Variants in ARHGAP35 observed in about 807,000 individuals in gnomAD.
ARHGAP35 encodes Rho GTPase activating protein 35, also known as rho GTPase-activating protein 35.
Under a neutral mutation model 111.1 loss-of-function variants are expected in ARHGAP35, and 15 were observed. That is an observed-to-expected ratio of 0.13 (90% CI 0.09 to 0.21). ARHGAP35 has a LOEUF of 0.21. ARHGAP35 is among the 10% of genes least tolerant of loss of function. The pLI is 1.00. For missense variants in ARHGAP35, 1,262 were observed against 1,873.0 expected, an observed-to-expected ratio of 0.67 and a Z score of 6.02; for synonymous variants, 643 against 710.3, an observed-to-expected ratio of 0.91 and a Z score of 1.51.
Position 46,945,623 on chromosome 19 carries a change from C to A in ARHGAP35, c.3826+8215C>A, listed in dbSNP as rs1458307622. Among the ~76,000 whole-genome samples, 1 of 152,172 alleles carries A rather than the reference C, an allele frequency of 6.6e-6. No homozygotes were observed. The highest frequency in any genetic ancestry group is 1.5e-5 in the Non-Finnish European group (1 of 68,042). ...CTGAGGCAGCTTCCAAGTGTCGTCA[C>A]ACCTGCCCACCCGGGACGGTCTCAG... is the stretch of plus-strand genomic sequence containing the variant. On this transcript the variant is annotated intron_variant, in intron 3 of 6. Transcript: ENST00000672722. The surrounding 1 kb of genome is among the most constrained non-coding windows in gnomAD (Gnocchi z 4.1).
chr19:46,896,930 G>A (rs886880763), intron 1 of ARHGAP35, among the ~76,000 whole-genome samples: 1 of 152,018 alleles, frequency 6.6e-6, no homozygotes, highest in Non-Finnish European at 1.5e-5. Flanking sequence ...TTCTTGTTCT[G>A]TCACTCAGTC....
chr19:46,962,179 A>ATT (rs1351695596), intron 3 of ARHGAP35, among the ~76,000 whole-genome samples: 1 of 152,186 alleles, frequency 6.6e-6, no homozygotes. Context: ...CTGAATGTGT[A>ATT]TTATCTTTCA....
chr19:46,991,744 C>T (rs1484731260), intron 5 of ARHGAP35, among the ~76,000 whole-genome samples: 4 of 152,136 alleles, frequency 2.6e-5, no homozygotes. Context: ...TCAACTGAGC[C>T]GCAGATACCA....
chr19:46,883,261 ATT>A (rs532740072), intron 1 of ARHGAP35, among the ~76,000 whole-genome samples: 6 of 144,920 alleles, frequency 4.1e-5, no homozygotes, highest in Admixed American at 1.4e-4. Flanking sequence ...TGCCTGGCTA[ATT>A]TTTTTTTTTT....
In ARHGAP35 at chr19:46,918,545, C is replaced by A; in HGVS notation, c.-131C>A. Reference sequence around the variant, plus strand: ...GGTGAACAGTGACCATACTGGTATACAACACTATGGGACCTGGCATTTTTG... The same window carrying A: ...GGTGAACAGTGACCATACTGGTATAAAACACTATGGGACCTGGCATTTTTG... On this transcript the variant is annotated 5_prime_UTR_variant, in exon 2 of 7. Coordinates refer to ENST00000672722, the MANE Select transcript of ARHGAP35 (RefSeq NM_004491.5). The surrounding 1 kb of genome is among the most constrained non-coding windows in gnomAD (Gnocchi z 5.4). 1.2e-6 allele frequency: 1 copy of A among 826,798 alleles called. No homozygotes were observed. The highest frequency in any genetic ancestry group is 1.9e-6 in the Non-Finnish European group (1 of 512,922). The allele number at this position is 826,798 out of a possible 1,614,324, so 51.2% of individuals were successfully genotyped here.
At chr19:46,929,666 C>A (rs112561799) in intron 2 of ARHGAP35, among the ~76,000 whole-genome samples, 1 of 145,922 alleles carries the variant, frequency 6.9e-6, no homozygotes, top group African/African-American at 2.6e-5. Flanking sequence ...GTAATCCCAG[C>A]ACTTTGGGAG....
chr19:46,950,410 A>G (rs965298073), intron 3 of ARHGAP35, among the ~76,000 whole-genome samples: 35 of 152,202 alleles, frequency 2.3e-4, no homozygotes, highest in African/African-American at 8.4e-4. Flanking sequence ...TTTGGTGTAC[A>G]TATGTGTGCA....
In ARHGAP35 at chr19:47,001,573, C is replaced by A; in HGVS notation, c.*885C>A. On this transcript the variant is annotated 3_prime_UTR_variant, in exon 7 of 7. Coordinates refer to ENST00000672722, the MANE Select transcript of ARHGAP35 (RefSeq NM_004491.5). This position sits in a 1 kb window ranked among gnomAD's most constrained non-coding sequence, Gnocchi z 5.4. The stretch of plus-strand genomic sequence containing the variant: ...CCTGAGGGCCTGCTGGGGTCCCACT[C>A]ACCCACTTAGGTCTAGTCGCTAGAT... 2.4e-6 allele frequency: 1 copy of A among 423,542 alleles called. No homozygotes were observed. Among genetic ancestry groups the A allele is most frequent in the Non-Finnish European group, 4.2e-6 (1 of 238,996 alleles). The allele number at this position is 423,542 out of a possible 1,614,324, so 26.2% of individuals were successfully genotyped here.
chr19:46,897,368 G>A (rs1187385158), intron 1 of ARHGAP35, among the ~76,000 whole-genome samples: 3 of 151,536 alleles, frequency 2.0e-5, no homozygotes, highest in Non-Finnish European at 2.9e-5. Context: ...GGAAAGCTGG[G>A]TTAGCAAATG....
chr19:46,918,273 T>C lies in ARHGAP35; in HGVS notation c.-188-215T>C, dbSNP rs192504987. The stretch of plus-strand genomic sequence containing the variant: ...TAGCACTTAGCACACTGTTTACTTA[T>C]GTTTTCCTCCACTGGACTAGATTGT... On this transcript the variant is annotated intron_variant, in intron 1 of 6. Transcript: ENST00000672722. The surrounding 1 kb of genome is among the most constrained non-coding windows in gnomAD (Gnocchi z 5.4). Among the ~76,000 whole-genome samples the C allele has an allele frequency of 3.7e-3, 556 of 152,318 alleles. 5 individuals carry two copies. Among genetic ancestry groups the C allele is most frequent in the Middle Eastern group, 0.024 (7 of 294 alleles).
chr19:46,919,587 A>C lies in ARHGAP35; in HGVS notation c.912A>C (p.Glu304Asp), dbSNP rs776788082. The change falls in exon 2 of 7, where the codon GAA becomes GAC. Residue 304 changes from glutamate to aspartate, a missense_variant. This residue lies in a region of ARHGAP35 where 328 missense variants were observed against 440.8 expected (regional missense o/e 0.74). Transcript: ENST00000672722. The surrounding 1 kb of genome is among the most constrained non-coding windows in gnomAD (Gnocchi z 6.2). The part of the protein sequence containing the change: ...SVSRKMQASP[E>D]YQDYVYLEGT... The stretch of plus-strand genomic sequence containing the variant: ...GCCGAAAGATGCAGGCCTCTCCAGA[A>C]TACCAGGACTATGTCTACCTGGAAG... 1 of 1,613,994 alleles carries C rather than the reference A, an allele frequency of 6.2e-7. No homozygotes were observed. Among genetic ancestry groups the C allele is most frequent in the East Asian group, 2.2e-5 (1 of 44,878 alleles).
At chr19:46,936,241 G>C (rs1460342997) in intron 2 of ARHGAP35, among the ~76,000 whole-genome samples, 2 of 152,036 alleles carry the variant, frequency 1.3e-5, no homozygotes, top group Non-Finnish European at 2.9e-5. Flanking sequence ...GACCCTGTCT[G>C]AAAATTATAA....
At chr19:46,870,089 G>A (rs2055879804) in intron 1 of ARHGAP35, among the ~76,000 whole-genome samples, 1 of 151,522 alleles carries the variant, frequency 6.6e-6, no homozygotes, top group African/African-American at 2.4e-5. Flanking sequence ...TGGGACTACA[G>A]GCGCCCGCCA....
chr19:46,895,226 C>T lies in ARHGAP35; in HGVS notation c.-188-23262C>T, dbSNP rs189333125. Among the ~76,000 whole-genome samples, 11 of 150,942 alleles carry T rather than the reference C, an allele frequency of 7.3e-5. 1 individual carries two copies. The highest frequency in any genetic ancestry group is 4.0e-4 in the Admixed American group (6 of 15,144). ...TCACCCAGGCTGGAGTCCAGTGGCG[C>T]GATCTCGGCTCACTGCAAGCTCCAC... On this transcript the variant is annotated intron_variant, in intron 1 of 6. Transcript: ENST00000672722.
chr19:46,870,033 G>A (rs1024086796), intron 1 of ARHGAP35, among the ~76,000 whole-genome samples: 7 of 145,840 alleles, frequency 4.8e-5, no homozygotes, highest in South Asian at 4.4e-4. Flanking sequence ...TGCAAGCTCC[G>A]CCTTCTGGGT....
chr19:46,906,724 A>AT (rs2122175551), intron 1 of ARHGAP35, among the ~76,000 whole-genome samples: 1 of 152,348 alleles, frequency 6.6e-6, no homozygotes, highest in East Asian at 1.9e-4. Flanking sequence ...AATGGCTTTT[A>AT]TATCTCCTTA....
intron 2 of ARHGAP35, among the ~76,000 whole-genome samples, chr19:46,923,625 A>G (rs2056220236): frequency 6.6e-6 from 1 of 151,760 alleles, no homozygotes; most frequent in East Asian, 1.9e-4. Context: ...AAATACTGAA[A>G]TACTCTTTAC....
chr19:46,944,921 C>CATT (rs1218724388), intron 3 of ARHGAP35, among the ~76,000 whole-genome samples: 1 of 152,184 alleles, frequency 6.6e-6, no homozygotes, highest in Non-Finnish European at 1.5e-5. Context: ...CTGACCAGTT[C>CATT]ATTTACCCTT....
chr19:46,963,188 G>T (rs2056494537), intron 3 of ARHGAP35, among the ~76,000 whole-genome samples: 1 of 152,070 alleles, frequency 6.6e-6, no homozygotes, highest in Non-Finnish European at 1.5e-5. Flanking sequence ...TTCTGTGGGG[G>T]TTCTATCTGG....
Sources: gnomAD v4.1 joint callset for allele counts (sites outside exome capture counted in the v4.1 genomes callset) on GRCh38, gnomAD v4.1.1 for gene constraint, gnomAD v4.1.1 regional missense constraint, Gnocchi (gnomAD v3.1) non-coding constraint, MANE v1.5 for transcripts, NCBI Gene and HGNC (gene_info 2026-07-23, HGNC 2026-07-21) for gene names.